CNTNAP2: variants seen among roughly 807,000 people sequenced by gnomAD.
CNTNAP2 encodes the protein contactin associated protein 2.
A neutral mutation model predicts 155.2 loss-of-function variants in CNTNAP2; 98 were observed. The ratio of observed to expected loss-of-function variants is 0.63; its 90% CI spans 0.54 to 0.75. CNTNAP2 has a LOEUF of 0.75. Ranked by LOEUF, CNTNAP2 falls within the 30% of genes least tolerant of loss-of-function variation. The pLI is 0.00. For missense variants in CNTNAP2, 1,727 were observed against 1,688.1 expected (o/e 1.02, Z -0.40); for synonymous variants, 651 against 631.2 (o/e 1.03, Z -0.47).
chr7:146,561,084 A>G (rs114679181), intron 1 of CNTNAP2, among the ~76,000 whole-genome samples: 2 of 152,314 alleles, frequency 1.3e-5, no homozygotes, highest in Middle Eastern at 6.8e-3. Flanking sequence ...TATAATGTCA[A>G]AGGTAGAAAG....
intron 3 of CNTNAP2, among the ~76,000 whole-genome samples, chr7:146,891,642 A>G (rs982557993): frequency 6.6e-6 from 1 of 152,204 alleles, no homozygotes; most frequent in African/African-American, 2.4e-5. Flanking sequence ...ATTTTTTACA[A>G]TAATATGACA....
chr7:148,131,932 A>T (rs1332753900), intron 16 of CNTNAP2, among the ~76,000 whole-genome samples: 1 of 152,196 alleles, frequency 6.6e-6, no homozygotes, highest in Non-Finnish European at 1.5e-5. Flanking sequence ...TACTTGAAAA[A>T]GCTCAGAACC....
In CNTNAP2 at chr7:147,043,874, T is replaced by C. The variant is rs760487255; in HGVS notation, c.403-33T>C. 7 of 1,612,814 alleles carry C rather than the reference T, an allele frequency of 4.3e-6. No homozygotes were observed. The South Asian group carries it at 5.5e-5, about 13-fold the overall frequency. On this transcript the variant is annotated intron_variant, in intron 3 of 23. Transcript: ENST00000361727. ...GACATGATTGTTTCTAAAGTATTTT[T>C]CCCAATTTTTAAAATACTATTTCCT...
intron 1 of CNTNAP2, among the ~76,000 whole-genome samples, chr7:146,593,523 T>A (rs945948402): frequency 2.6e-5 from 4 of 152,058 alleles, no homozygotes; most frequent in Non-Finnish European, 5.9e-5. Flanking sequence ...TCAGCGTCAC[T>A]CCCTCCACCA....
intron 1 of CNTNAP2, among the ~76,000 whole-genome samples, chr7:146,675,112 A>C (rs770769912): frequency 2.0e-5 from 3 of 152,064 alleles, no homozygotes; most frequent in Non-Finnish European, 4.4e-5. Context: ...ATTTATTTAC[A>C]CTTCTCTGAT....
intron 1 of CNTNAP2, among the ~76,000 whole-genome samples, chr7:146,630,788 C>A (rs1315522456): frequency 6.6e-6 from 1 of 151,756 alleles, no homozygotes; most frequent in African/African-American, 2.4e-5. Context: ...AAGCAGAGAG[C>A]CAAATCATGA....
chr7:146,301,631 TAACAACAAC>T (rs71175645), intron 1 of CNTNAP2, among the ~76,000 whole-genome samples: 10 of 151,390 alleles, frequency 6.6e-5, no homozygotes, highest in African/African-American at 9.7e-5. Flanking sequence ...GTCTCAACAA[TAACAACAAC>T]AACAACAACA....
At chr7:147,333,286 C>T (rs559665552) in intron 9 of CNTNAP2, among the ~76,000 whole-genome samples, 49 of 152,262 alleles carry the variant, frequency 3.2e-4, no homozygotes, top group African/African-American at 1.2e-3. Context: ...TGAGAACTCT[C>T]GGCGTTCTGA....
chr7:147,693,801 T>C (rs1451291985), intron 13 of CNTNAP2, among the ~76,000 whole-genome samples: 1 of 152,052 alleles, frequency 6.6e-6, no homozygotes, highest in Non-Finnish European at 1.5e-5. Context: ...CACACAGTTT[T>C]ATTTCTTCCT....
intron 13 of CNTNAP2, among the ~76,000 whole-genome samples, chr7:147,868,144 CT>C (rs1182260791): frequency 6.6e-6 from 1 of 151,950 alleles, no homozygotes; most frequent in Non-Finnish European, 1.5e-5. Flanking sequence ...TGTGGATATC[CT>C]TTTTGTTGAT....
intron 3 of CNTNAP2, among the ~76,000 whole-genome samples, chr7:146,934,835 C>T (rs1210035969): frequency 2.6e-5 from 4 of 152,112 alleles, no homozygotes; most frequent in Admixed American, 2.6e-4. Context: ...TAAGGATAGA[C>T]ACTGTGACAT....
At chr7:147,435,020 T>A (rs1386184942) in intron 10 of CNTNAP2, among the ~76,000 whole-genome samples, 1 of 152,202 alleles carries the variant, frequency 6.6e-6, no homozygotes, top group Admixed American at 6.5e-5. Flanking sequence ...TTTTCTGAAT[T>A]TGAGGCAACA....
intron 13 of CNTNAP2, among the ~76,000 whole-genome samples, chr7:147,674,645 T>A (rs1480673411): frequency 1.3e-5 from 2 of 152,140 alleles, no homozygotes; most frequent in East Asian, 3.8e-4. Flanking sequence ...TTAAATGCAA[T>A]AGAGATCAAG....
intron 21 of CNTNAP2, among the ~76,000 whole-genome samples, chr7:148,310,644 G>A (rs942478189): frequency 6.6e-6 from 1 of 152,106 alleles, no homozygotes; most frequent in Non-Finnish European, 1.5e-5. Flanking sequence ...TGGGGGTAAG[G>A]AAGACTAGTG....
At chr7:147,533,710 CAA>C (rs762259674) in intron 11 of CNTNAP2, among the ~76,000 whole-genome samples, 6 of 124,530 alleles carry the variant, frequency 4.8e-5, no homozygotes, top group Non-Finnish European at 3.5e-5. Context: ...GATCCCATCT[CAA>C]AAAAAAAAAA....
At chr7:147,477,000 TAACTC>T (rs1798335219) in intron 10 of CNTNAP2, among the ~76,000 whole-genome samples, 1 of 150,820 alleles carries the variant, frequency 6.6e-6, no homozygotes, top group Non-Finnish European at 1.5e-5. Context: ...GTGAAGCAGA[TAACTC>T]AAACTTGATA....
At chr7:147,069,520 A>G (rs1799848296) in intron 4 of CNTNAP2, among the ~76,000 whole-genome samples, 1 of 152,198 alleles carries the variant, frequency 6.6e-6, no homozygotes, top group African/African-American at 2.4e-5. Context: ...TTTCTAATAA[A>G]TTCTATTCAC....
chr7:148,250,923 C>T (rs1796353494), intron 20 of CNTNAP2, among the ~76,000 whole-genome samples: 1 of 152,216 alleles, frequency 6.6e-6, no homozygotes, highest in Admixed American at 6.5e-5. Context: ...TCACAGCTCA[C>T]TGCAATCTTG....
In CNTNAP2 at chr7:148,415,537, G is replaced by A. The variant is rs866329720; in HGVS notation, c.3917G>A (p.Ser1306Asn). Residue 1306 changes from serine to asparagine, a missense_variant, in exon 24 of 24, where the codon AGC becomes AAC. By Grantham distance (46) the Ser-to-Asn change is conservative. Coordinates refer to ENST00000361727, the MANE Select transcript of CNTNAP2 (RefSeq NM_014141.6). Reference sequence around the variant, plus strand: ...GCAAAGGGGGCGGAGTCGGCAGAGAGCGCGGACGCCGCCATCATGAACAAC... The same window carrying A: ...GCAAAGGGGGCGGAGTCGGCAGAGAACGCGGACGCCGCCATCATGAACAAC... ...NEAKGAESAE[S>N]ADAAIMNNDP... 6 of 1,614,244 alleles carry A rather than the reference G, an allele frequency of 3.7e-6. No homozygotes were observed. Among genetic ancestry groups the A allele is most frequent in the Non-Finnish European group, 5.1e-6 (6 of 1,180,030 alleles).
Sources: allele counts gnomAD v4.1 joint callset (sites outside exome capture counted in the v4.1 genomes callset), GRCh38; gene constraint gnomAD v4.1.1; transcripts MANE v1.5; gene names NCBI Gene and HGNC (gene_info 2026-07-23, HGNC 2026-07-21).